The following ABCA1 variants were observed in gnomAD, a reference collection of about 807,000 sequenced individuals.
The protein encoded by ABCA1 is ATP binding cassette subfamily A member 1.
ABCA1 carries 133 observed loss-of-function variants against 262.5 expected under a neutral mutation model. The ratio of observed to expected loss-of-function variants is 0.51; its 90% confidence interval spans 0.44 to 0.59. The LOEUF (loss-of-function observed/expected upper bound fraction) is 0.59, where lower values mean the gene tolerates loss of function less well. Among genes scored for constraint, ABCA1 ranks in the 20% least tolerant of loss-of-function variants. The pLI is 0.00. For missense variants in ABCA1, 2,452 were observed against 2,777.5 expected (o/e 0.88, Z 2.63); for synonymous variants, 1,022 against 1,043.5 (o/e 0.98, Z 0.40).
At chr9:104,893,921 T>C (rs1225543937) in intron 2 of ABCA1, among the ~76,000 whole-genome samples, 1 of 152,208 alleles carries the variant, frequency 6.6e-6, no homozygotes. Context: ...ACAGCCAATA[T>C]TGGGCAGCTA....
intron 7 of ABCA1, among the ~76,000 whole-genome samples, chr9:104,846,303 G>C (rs1834874310): frequency 1.3e-5 from 2 of 152,196 alleles, no homozygotes; most frequent in Admixed American, 6.5e-5. Flanking sequence ...GAGTGTTCAG[G>C]CTTCCAAAGA....
rs527239976 is a variant in ABCA1, at chr9:104,849,451, G to C, written c.721-3882C>G. Among the ~76,000 whole-genome samples, 205 of 152,256 alleles carry C rather than the reference G, an allele frequency of 1.3e-3. 2 individuals are homozygous for C. In the Middle Eastern group the frequency reaches 0.027, roughly 20 times the overall value. On this transcript the variant is annotated intron_variant, in intron 7 of 49. Coordinates refer to ENST00000374736, the MANE Select transcript of ABCA1 (RefSeq NM_005502.4). Reference sequence around the variant, plus strand: ...GGCTGAACCCACCCATGAGTAATAAGGTAGAACAGTCAATGCCATTGTTAG... The same window carrying C: ...GGCTGAACCCACCCATGAGTAATAACGTAGAACAGTCAATGCCATTGTTAG...
At chr9:104,820,717 C>G (rs55993392) in intron 20 of ABCA1, among the ~76,000 whole-genome samples, 11,184 of 152,184 alleles carry the variant, frequency 0.073, 477 homozygotes, top group Non-Finnish European at 0.095. Flanking sequence ...CCCTGAAGCA[C>G]TACCAGGTCT....
chr9:104,786,267 G>T (rs1341769286), intron 48 of ABCA1, 31 bp downstream of exon 48: 1 of 1,529,402 alleles, frequency 6.5e-7, no homozygotes, highest in East Asian at 2.2e-5. Context: ...CTTCTCACTA[G>T]GCACTATCCC....
intron 10 of ABCA1, 94 bp from the exon 11 acceptor site, chr9:104,837,190 A>T: frequency 8.7e-7 from 1 of 1,151,832 alleles, no homozygotes; most frequent in East Asian, 2.4e-5. Context: ...ACCCCATCAC[A>T]GCAGCCCTGT....
intron 8 of ABCA1, among the ~76,000 whole-genome samples, 186 bp from the exon 9 acceptor site, chr9:104,840,705 A>G (rs1218414836): frequency 6.6e-6 from 1 of 152,182 alleles, no homozygotes; most frequent in Non-Finnish European, 1.5e-5. Flanking sequence ...CTGGCTACCC[A>G]ATCTGTGGTC....
chr9:104,808,156 T>A (rs1477321412), intron 30 of ABCA1, among the ~76,000 whole-genome samples: 1 of 152,144 alleles, frequency 6.6e-6, no homozygotes, highest in Non-Finnish European at 1.5e-5. Context: ...TGAATTTCAG[T>A]AAGAATTGTA....
chr9:104,841,201 C>G (rs959470508), intron 8 of ABCA1, among the ~76,000 whole-genome samples: 1 of 151,980 alleles, frequency 6.6e-6, no homozygotes, highest in Non-Finnish European at 1.5e-5. Flanking sequence ...TTTGGGAGGT[C>G]GAGGCGGGTG....
chr9:104,838,687 C>T (rs1221316722), intron 9 of ABCA1, among the ~76,000 whole-genome samples: 1 of 151,466 alleles, frequency 6.6e-6, no homozygotes, highest in Non-Finnish European at 1.5e-5. Flanking sequence ...AACCCAAATA[C>T]AAAAGTTGTA....
At position 104,827,032 on chromosome 9, in the gene ABCA1, G is replaced by A. The variant is rs1219302494; in HGVS notation, c.2253C>T (p.Gly751=). 2.5e-6 allele frequency: 4 copies of A among 1,614,070 alleles called. No homozygotes were observed. Among genetic ancestry groups the A allele is most frequent in the Non-Finnish European group, 3.4e-6 (4 of 1,180,032 alleles). The change falls in exon 16 of 50, where the codon GGC becomes GGT. Residue 751 remains glycine (G), a synonymous_variant. Transcript: ENST00000374736. ...GCAGGTACAGCGTGAAGTAGATGATGCCCCCACAGGCTGCTGCCAGGTTGG... is the reference window on the plus strand; with the variant it reads ...GCAGGTACAGCGTGAAGTAGATGATACCCCCACAGGCTGCTGCCAGGTTGG... ...SRANLAAACG[G]IIYFTLYLPY...
intron 17 of ABCA1, among the ~76,000 whole-genome samples, chr9:104,824,993 G>T (rs1164092075): frequency 6.6e-6 from 1 of 152,212 alleles, no homozygotes; most frequent in Non-Finnish European, 1.5e-5. Context: ...GAACCAAAAA[G>T]GGTTAAATCT....
intron 2 of ABCA1, among the ~76,000 whole-genome samples, chr9:104,895,075 A>G (rs7848844): frequency 0.083 from 12,675 of 152,228 alleles, 1,653 homozygotes; most frequent in African/African-American, 0.28. Context: ...AAACCCTCAT[A>G]AATAGCTTGG....
chr9:104,794,368 C>T lies in ABCA1; in HGVS notation c.5506+19G>A, dbSNP rs759808565. 7 of 1,613,916 alleles carry T rather than the reference C, an allele frequency of 4.3e-6. No individual in the cohort carries two copies. The highest frequency in any genetic ancestry group is 1.3e-5 in the African/African-American group (1 of 74,904). On this transcript the variant is annotated intron_variant, in intron 40 of 49. Transcript: ENST00000374736. ...GTGCCATCTCCATTAAAGCATCCTACAGCCACTGCTTCACTCACCAAACCT... is the reference window on the plus strand; with the variant it reads ...GTGCCATCTCCATTAAAGCATCCTATAGCCACTGCTTCACTCACCAAACCT...
chr9:104,856,168 C>A, intron 7 of ABCA1: 1 of 1,464,662 alleles, frequency 6.8e-7, no homozygotes, highest in South Asian at 1.4e-5. Flanking sequence ...TCAGTCCCAG[C>A]ATTCCAATTA....
In ABCA1 at chr9:104,858,564, C is replaced by T. The variant is rs767754364; in HGVS notation, c.678G>A (p.Glu226=). The T allele has an allele frequency of 1.2e-6, 2 of 1,614,192 alleles. No homozygotes were observed. Among genetic ancestry groups the T allele is most frequent in the Non-Finnish European group, 1.7e-6 (2 of 1,180,034 alleles). ...TGTCCATGTTGGAACGAAGTACTCG[C>T]TCTGCTGCAGCCAGTTTCTCCCTTG... ...GLPREKLAAA[E]RVLRSNMDIL... Residue 226 remains glutamate (E), a synonymous_variant, in exon 7 of 50, where the codon GAG becomes GAA. Transcript: ENST00000374736.
At chr9:104,925,246 G>A (rs1486294081) in intron 1 of ABCA1, among the ~76,000 whole-genome samples, 2 of 152,152 alleles carry the variant, frequency 1.3e-5, no homozygotes, top group South Asian at 4.2e-4. Context: ...GCATGGTGGC[G>A]TGCGCCTATA....
rs368340391 is a variant in ABCA1, at chr9:104,915,818, G to A, written c.-92-12047C>T. On this transcript the variant is annotated intron_variant, in intron 1 of 49. Coordinates refer to ENST00000374736, the MANE Select transcript of ABCA1 (RefSeq NM_005502.4). ...ACAATCCAATCCCCCAAGCAACAAC[G>A]CGCTAAGTGTTTACATCAGGTGAGA... 1.1e-4 allele frequency among the ~76,000 whole-genome samples: 17 copies of A among 152,122 alleles called. No individual in the cohort carries two copies. In the East Asian group the frequency reaches 2.1e-3, roughly 19 times the overall value.
rs140377650 is a variant in ABCA1, at chr9:104,829,911, G to A, written c.1893-773C>T. Reference sequence around the variant, plus strand: ...AATGCAAAACAGAGAACCAATACAAGCAGAACCCAGCTCCTCCCGCATCCT... The same window carrying A: ...AATGCAAAACAGAGAACCAATACAAACAGAACCCAGCTCCTCCCGCATCCT... On this transcript the variant is annotated intron_variant, in intron 14 of 49. Transcript: ENST00000374736. Among the ~76,000 whole-genome samples, 35 of 149,292 alleles carry A rather than the reference G, an allele frequency of 2.3e-4. No individual in the cohort carries two copies. In the South Asian group the frequency reaches 3.2e-3, roughly 14 times the overall value.
intron 37 of ABCA1, among the ~76,000 whole-genome samples, 190 bp from the exon 38 acceptor site, chr9:104,796,614 C>G (rs1829917078): frequency 6.6e-6 from 1 of 152,208 alleles, no homozygotes; most frequent in South Asian, 2.1e-4. Flanking sequence ...TTCCCCTTGG[C>G]TGATTTTATA....
Sources: gnomAD v4.1 joint callset for allele counts (sites outside exome capture counted in the v4.1 genomes callset) on GRCh38, gnomAD v4.1.1 for gene constraint, MANE v1.5 for transcripts, NCBI Gene and HGNC (gene_info 2026-07-23, HGNC 2026-07-21) for gene names.